FHIT: variants seen among roughly 807,000 people sequenced by gnomAD.
The protein encoded by FHIT is bis(5'-adenosyl)-triphosphatase.
Under a neutral mutation model 17.9 loss-of-function variants are expected in FHIT, and 19 were observed. That is an observed-to-expected ratio of 1.06 (90% confidence interval 0.74 to 1.56). The LOEUF is 1.56. FHIT is among the 40% of genes most tolerant of loss of function. The pLI, the probability that FHIT is intolerant of heterozygous loss-of-function variation, is 0.00. For missense variants in FHIT, 248 were observed against 189.2 expected (o/e 1.31, Z -1.82); for synonymous variants, 81 against 69.7 (o/e 1.16, Z -0.81).
intron 2 of FHIT, among the ~76,000 whole-genome samples, chr3:61,190,969 A>G (rs978272388): frequency 6.6e-6 from 1 of 151,648 alleles, no homozygotes; most frequent in Admixed American, 6.6e-5. Flanking sequence ...ATTAGGAGAT[A>G]CACCTAATGC....
chr3:61,123,786 T>C (rs1344517424), intron 2 of FHIT, among the ~76,000 whole-genome samples: 1 of 152,130 alleles, frequency 6.6e-6, no homozygotes, highest in Non-Finnish European at 1.5e-5. Context: ...TTTCATGGTG[T>C]AAATACATAC....
intron 5 of FHIT, among the ~76,000 whole-genome samples, chr3:60,385,948 A>G (rs1043772606): frequency 1.2e-4 from 19 of 152,284 alleles, no homozygotes; most frequent in African/African-American, 4.1e-4. Flanking sequence ...AAAGTTGGGA[A>G]TATCTTTCCT....
At chr3:61,249,933 AACACACACACACACACACACACAC>A (rs71100943) in intron 1 of FHIT, among the ~76,000 whole-genome samples, 97 of 126,120 alleles carry the variant, frequency 7.7e-4, no homozygotes, top group Admixed American at 3.8e-3. Context: ...AATCAATAAC[AACACACACACACACACACACACAC>A]ACACACACAC....
At chr3:60,452,767 T>C (rs1024171018) in intron 5 of FHIT, among the ~76,000 whole-genome samples, 1 of 152,186 alleles carries the variant, frequency 6.6e-6, no homozygotes, top group Admixed American at 6.5e-5. Flanking sequence ...TATTTTTAAT[T>C]AAAATGGTCT....
intron 5 of FHIT, among the ~76,000 whole-genome samples, chr3:60,432,719 C>A (rs1216326382): frequency 6.6e-6 from 1 of 152,002 alleles, no homozygotes; most frequent in African/African-American, 2.4e-5. Context: ...CATGGATCTA[C>A]TGGGGGAAGC....
chr3:60,616,473 T>A (rs1576978177), intron 4 of FHIT, among the ~76,000 whole-genome samples: 1 of 152,320 alleles, frequency 6.6e-6, no homozygotes, highest in East Asian at 1.9e-4. Context: ...CTAGAACTAA[T>A]AAGCAATCAT....
rs994175596 is a variant in FHIT, at chr3:59,984,176, C to G, written c.279+27195G>C. 2.0e-5 allele frequency among the ~76,000 whole-genome samples: 3 copies of G among 152,078 alleles called. No individual in the cohort carries two copies. In the South Asian group the frequency reaches 6.2e-4, roughly 32 times the overall value. ...CAGGAGATATGCTGAACCTCATATTCTTTCTCTTTACTGCTTTATTATCAT... is the reference window on the plus strand; with the variant it reads ...CAGGAGATATGCTGAACCTCATATTGTTTCTCTTTACTGCTTTATTATCAT... On this transcript the variant is annotated intron_variant, in intron 7 of 9. Transcript: ENST00000492590.
At chr3:60,258,162 T>C (rs1354916778) in intron 5 of FHIT, among the ~76,000 whole-genome samples, 3 of 151,620 alleles carry the variant, frequency 2.0e-5, no homozygotes, top group African/African-American at 7.3e-5. Context: ...AAAAATAATA[T>C]TGCCACCTCC....
At chr3:60,745,796 G>A (rs78765994) in intron 4 of FHIT, among the ~76,000 whole-genome samples, 1,574 of 152,264 alleles carry the variant, frequency 0.01, 15 homozygotes, top group Non-Finnish European at 0.015. Flanking sequence ...TCCTGATTCT[G>A]TGAAGCTGAG....
At chr3:60,865,605 C>T (rs1260311528) in intron 3 of FHIT, among the ~76,000 whole-genome samples, 1 of 152,102 alleles carries the variant, frequency 6.6e-6, no homozygotes, top group African/African-American at 2.4e-5. Flanking sequence ...TATCAAGAGA[C>T]TCTCTATGGA....
intron 5 of FHIT, among the ~76,000 whole-genome samples, chr3:60,277,756 C>T (rs1372478253): frequency 7.9e-6 from 1 of 126,868 alleles, no homozygotes; most frequent in Non-Finnish European, 1.9e-5. Context: ...AGCTGTTCTC[C>T]TTTCTCTTTC....
intron 9 of FHIT, chr3:59,750,206 C>G: frequency 4.4e-6 from 1 of 226,000 alleles, no homozygotes; most frequent in Non-Finnish European, 8.8e-6. Flanking sequence ...AAGTTTGAAT[C>G]TTCTTAAAGT....
At chr3:61,212,814 T>C (rs895435806) in intron 1 of FHIT, among the ~76,000 whole-genome samples, 7 of 152,032 alleles carry the variant, frequency 4.6e-5, no homozygotes, top group African/African-American at 1.2e-4. Context: ...TCGGCAGAAA[T>C]TCTACAAGCC....
At chr3:61,173,287 CTT>C (rs909185818) in intron 2 of FHIT, among the ~76,000 whole-genome samples, 119 of 152,096 alleles carry the variant, frequency 7.8e-4, no homozygotes, top group African/African-American at 2.7e-3. Context: ...AAAAAAATCT[CTT>C]TTTAAAAAAC....
At chr3:60,152,825 C>T (rs7639576) in intron 5 of FHIT, among the ~76,000 whole-genome samples, 78,341 of 152,000 alleles carry the variant, frequency 0.52, 21,339 homozygotes, top group Non-Finnish European at 0.6. Flanking sequence ...AAAAATCATT[C>T]CCAAACCTGT....
intron 4 of FHIT, among the ~76,000 whole-genome samples, chr3:60,797,835 C>A (rs1218632888): frequency 1.3e-5 from 2 of 151,704 alleles, no homozygotes; most frequent in Admixed American, 1.3e-4. Context: ...TATTAGCTAA[C>A]CCATTCTTCA....
At chr3:59,787,535 A>T (rs73840823) in intron 8 of FHIT, among the ~76,000 whole-genome samples, 10 of 147,428 alleles carry the variant, frequency 6.8e-5, no homozygotes, top group African/African-American at 2.5e-4. Flanking sequence ...CACACGTCAA[A>T]GGCTTCTCCC....
chr3:60,580,795 T>A (rs2037725224), intron 4 of FHIT, among the ~76,000 whole-genome samples: 1 of 152,066 alleles, frequency 6.6e-6, no homozygotes, highest in Non-Finnish European at 1.5e-5. Flanking sequence ...GTTGAGGCTG[T>A]CTGGAGTAAT....
At chr3:60,416,665 C>G (rs1203361909) in intron 5 of FHIT, among the ~76,000 whole-genome samples, 1 of 152,034 alleles carries the variant, frequency 6.6e-6, no homozygotes, top group Non-Finnish European at 1.5e-5. Context: ...AGCTTGCAGG[C>G]TGTAACAAAA....
Sources: allele counts gnomAD v4.1 joint callset (sites outside exome capture counted in the v4.1 genomes callset), GRCh38; gene constraint gnomAD v4.1.1; transcripts MANE v1.5; gene names NCBI Gene and HGNC (gene_info 2026-07-23, HGNC 2026-07-21).